MYT1L: variants seen among roughly 807,000 people sequenced by gnomAD.
The protein encoded by MYT1L is myelin transcription factor 1-like protein.
MYT1L carries 12 observed loss-of-function variants against 126.7 expected under a neutral mutation model. The observed-to-expected ratio is 0.09, with a 90% CI of 0.06 to 0.15. The LOEUF is 0.15. MYT1L is among the 10% of genes least tolerant of loss of function. MYT1L has a pLI of 1.00. For missense variants in MYT1L, 979 were observed against 1,585.2 expected (o/e 0.62, Z 6.49); for synonymous variants, 541 against 604.2 (o/e 0.90, Z 1.53).
chr2:2,067,222 T>C (rs981758200), intron 3 of MYT1L, among the ~76,000 whole-genome samples: 1 of 152,182 alleles, frequency 6.6e-6, no homozygotes, highest in African/African-American at 2.4e-5. Flanking sequence ...TGGTGTTGAC[T>C]TGGGATACAG....
chr2:2,010,087 G>T (rs1273327632), intron 4 of MYT1L, among the ~76,000 whole-genome samples: 2 of 152,172 alleles, frequency 1.3e-5, no homozygotes, highest in East Asian at 3.9e-4. Flanking sequence ...CTGTGCAAAG[G>T]CTCTGCCTTT....
chr2:1,970,961 T>G (rs2059769918), intron 8 of MYT1L, among the ~76,000 whole-genome samples: 1 of 152,240 alleles, frequency 6.6e-6, no homozygotes, highest in Admixed American at 6.5e-5. Context: ...TACTTATTGT[T>G]TTCAGTGCCC....
chr2:2,138,791 A>G (rs1200697252), intron 3 of MYT1L, among the ~76,000 whole-genome samples: 40 of 150,206 alleles, frequency 2.7e-4, no homozygotes, highest in Non-Finnish European at 3.8e-4. Context: ...ACATGTATAC[A>G]TATGTAATTA....
At chr2:2,132,015 T>C (rs1575391402) in intron 3 of MYT1L, among the ~76,000 whole-genome samples, 1 of 151,592 alleles carries the variant, frequency 6.6e-6, no homozygotes, top group East Asian at 2.0e-4. Flanking sequence ...TTCAAGTGAT[T>C]CTCCCACCTC....
At chr2:2,058,588 C>A (rs975117778) in intron 3 of MYT1L, among the ~76,000 whole-genome samples, 1 of 152,076 alleles carries the variant, frequency 6.6e-6, no homozygotes, top group African/African-American at 2.4e-5. Flanking sequence ...TTGTGCCTGG[C>A]ACACACTAAT....
chr2:2,320,885 C>G (rs879715892), intron 1 of MYT1L, among the ~76,000 whole-genome samples: 4 of 152,134 alleles, frequency 2.6e-5, no homozygotes, highest in Non-Finnish European at 5.9e-5. Flanking sequence ...AATCATTTCC[C>G]CCTCGCTCCT....
At chr2:1,996,111 T>G (rs971861701) in intron 5 of MYT1L, among the ~76,000 whole-genome samples, 1 of 152,208 alleles carries the variant, frequency 6.6e-6, no homozygotes. Context: ...CTGATTGTTT[T>G]GACCACATAA....
At chr2:2,139,497 G>C (rs1397561365) in intron 3 of MYT1L, among the ~76,000 whole-genome samples, 3 of 151,876 alleles carry the variant, frequency 2.0e-5, no homozygotes, top group Admixed American at 2.0e-4. Flanking sequence ...AAATTAGCTG[G>C]GCGTGGTGGT....
chr2:2,316,062 A>T (rs774587551), intron 1 of MYT1L, among the ~76,000 whole-genome samples: 1 of 152,112 alleles, frequency 6.6e-6, no homozygotes, highest in African/African-American at 2.4e-5. Flanking sequence ...TTCTCAGTGG[A>T]GCCTCCTTGG....
intron 8 of MYT1L, among the ~76,000 whole-genome samples, chr2:1,963,249 C>T (rs2059105906): frequency 6.6e-6 from 1 of 152,172 alleles, no homozygotes. Flanking sequence ...TTTTTTCCCC[C>T]TTGGGAAGTA....
At chr2:2,181,237 T>C (rs776358313) in intron 2 of MYT1L, among the ~76,000 whole-genome samples, 3 of 152,000 alleles carry the variant, frequency 2.0e-5, no homozygotes, top group Non-Finnish European at 4.4e-5. Flanking sequence ...TGTACCTGTG[T>C]ATATCTGTGT....
chr2:2,055,858 C>T (rs898564887), intron 3 of MYT1L, among the ~76,000 whole-genome samples: 3 of 152,188 alleles, frequency 2.0e-5, no homozygotes, highest in African/African-American at 7.2e-5. Flanking sequence ...AGCTTGTTAG[C>T]ATGTTCTATA....
At chr2:2,214,382 C>T (rs920103822) in intron 2 of MYT1L, among the ~76,000 whole-genome samples, 1 of 151,176 alleles carries the variant, frequency 6.6e-6, no homozygotes, top group Non-Finnish European at 1.5e-5. Context: ...TGAACAAAAC[C>T]CAAACACAAG....
At chr2:2,261,492 C>G (rs193034929) in intron 2 of MYT1L, among the ~76,000 whole-genome samples, 44 of 152,234 alleles carry the variant, frequency 2.9e-4, no homozygotes, top group Admixed American at 5.9e-4. Context: ...AGTCCTCCCC[C>G]CTGTTAGGTA....
At chr2:2,061,081 TTGATTAATAGACG>T (rs1411204242) in intron 3 of MYT1L, among the ~76,000 whole-genome samples, 2 of 152,210 alleles carry the variant, frequency 1.3e-5, no homozygotes, top group African/African-American at 2.4e-5. Flanking sequence ...TGGGAAGGTT[TTGATTAATAGACG>T]TGACTTAGAG....
intron 9 of MYT1L, among the ~76,000 whole-genome samples, chr2:1,928,130 T>C (rs1458893939): frequency 6.6e-6 from 1 of 152,178 alleles, no homozygotes; most frequent in Non-Finnish European, 1.5e-5. Context: ...ATTTTGTATT[T>C]TTTGTAGAGA....
Position 1,790,616 on chromosome 2 carries a change from C to G in MYT1L, c.*1251G>C, listed in dbSNP as rs139646306. The stretch of plus-strand genomic sequence containing the variant: ...ATGCTCTATGGTCAACTGGTCTCCA[C>G]CCAAGTGTAGAACAGAAACGTCGTG... On this transcript the variant is annotated 3_prime_UTR_variant, in exon 25 of 25. Transcript: ENST00000647738. 1 of 152,474 alleles carries G rather than the reference C, an allele frequency of 6.6e-6. No individual in the cohort carries two copies. The highest frequency in any genetic ancestry group is 2.4e-5 in the African/African-American group (1 of 41,544). The allele number at this position is 152,474 out of a possible 1,614,324, so 9.4% of individuals were successfully genotyped here.
At chr2:1,937,380 G>A (rs547943815) in intron 9 of MYT1L, among the ~76,000 whole-genome samples, 14 of 147,180 alleles carry the variant, frequency 9.5e-5, no homozygotes, top group Non-Finnish European at 1.6e-4. Flanking sequence ...CCTAATGTCC[G>A]CGGCCATCAG....
chr2:1,907,586 G>A (rs975070461), intron 13 of MYT1L, among the ~76,000 whole-genome samples: 2 of 152,218 alleles, frequency 1.3e-5, no homozygotes, highest in Non-Finnish European at 2.9e-5. Flanking sequence ...AGGGCCATAC[G>A]CCACACCCTG....
Sources: gnomAD v4.1 joint callset for allele counts (sites outside exome capture counted in the v4.1 genomes callset) on GRCh38, gnomAD v4.1.1 for gene constraint, MANE v1.5 for transcripts, NCBI Gene and HGNC (gene_info 2026-07-23, HGNC 2026-07-21) for gene names.